CYP2C8: variants seen among roughly 807,000 people sequenced by gnomAD.
CYP2C8 encodes cytochrome P450 family 2 subfamily C member 8, also known as cytochrome P450 2C8.
A neutral mutation model predicts 41.3 loss-of-function variants in CYP2C8; 51 were observed. That is an observed-to-expected ratio of 1.24 (90% CI 0.99 to 1.56). The LOEUF (loss-of-function observed/expected upper bound fraction) is 1.56, where lower values mean the gene tolerates loss of function less well. CYP2C8 is among the 40% of genes most tolerant of loss of function. The pLI is 0.00. For synonymous variants in CYP2C8, 218 were observed against 205.8 expected (o/e 1.06, Z -0.51); for missense variants, 651 against 579.9 (o/e 1.12, Z -1.26).
At chr10:95,041,635 G>A (rs1461358351) in intron 7 of CYP2C8, among the ~76,000 whole-genome samples, 1 of 151,332 alleles carries the variant, frequency 6.6e-6, no homozygotes, top group African/African-American at 2.4e-5. Flanking sequence ...CAAAAAATTA[G>A]CCGGGCGCGG....
intron 5 of CYP2C8, among the ~76,000 whole-genome samples, chr10:95,057,817 A>G (rs2033341153): frequency 6.6e-6 from 1 of 152,116 alleles, no homozygotes; most frequent in Non-Finnish European, 1.5e-5. Context: ...AGGTTACACT[A>G]AATTAAACCT....
At chr10:95,049,215 C>T (rs1199694845) in intron 5 of CYP2C8, among the ~76,000 whole-genome samples, 3 of 152,054 alleles carry the variant, frequency 2.0e-5, no homozygotes, top group East Asian at 1.9e-4. Flanking sequence ...AGCAAGATGA[C>T]AGAATTGAAT....
At chr10:95,063,274 A>T (rs981626442) in intron 4 of CYP2C8, among the ~76,000 whole-genome samples, 4 of 152,216 alleles carry the variant, frequency 2.6e-5, no homozygotes, top group African/African-American at 9.6e-5. Context: ...TTTCAGATAC[A>T]CCAATCAGAC....
rs184428678 is a variant in CYP2C8 at position 95,057,918 on chromosome 10, A to T, written c.819+417T>A. On this transcript the variant is annotated intron_variant, in intron 5 of 8. Coordinates refer to ENST00000371270, the MANE Select transcript of CYP2C8 (RefSeq NM_000770.3). ...AACCTTTCTTCTGTTCCACACTGAA[A>T]ATATATTAAGGGCTATGTCAATGTG... Among the ~76,000 whole-genome samples the T allele has an allele frequency of 6.5e-4, 99 of 152,298 alleles. 1 individual carries two copies. Among genetic ancestry groups the T allele is most frequent in the African/African-American group, 2.3e-3 (96 of 41,574 alleles).
At chr10:95,049,939 C>T (rs1005081268) in intron 5 of CYP2C8, among the ~76,000 whole-genome samples, 3 of 136,802 alleles carry the variant, frequency 2.2e-5, no homozygotes, top group Admixed American at 7.3e-5. Flanking sequence ...TGAGGCTTAC[C>T]GGCTTCAGGT....
At chr10:95,068,764 T>C (rs1275078923) in intron 1 of CYP2C8, 1 of 555,950 alleles carries the variant, frequency 1.8e-6, no homozygotes, top group African/African-American at 2.0e-5. Context: ...ATGACAGACT[T>C]AGAAAGACAA....
At chr10:95,052,273 A>T (rs894424333) in intron 5 of CYP2C8, among the ~76,000 whole-genome samples, 1 of 152,110 alleles carries the variant, frequency 6.6e-6, no homozygotes, top group East Asian at 1.9e-4. Flanking sequence ...CCAAAACCTG[A>T]ACAAAATTAT....
In CYP2C8 at chr10:95,069,252, A is replaced by C. The variant is rs1228615717; in HGVS notation, c.151T>G (p.Cys51Gly). The change falls in exon 1 of 9, where the codon TGC (cysteine) becomes GGC (glycine). Residue 51 changes from cysteine (C) to glycine (G), a missense_variant. Transcript: ENST00000371270. ...NMLQIDVKDI[C>G]KSFTNFSKVY... ...AGACTTACATTGGTGAAAGATTTGC[A>C]GATGTCCTTAACATCTATCTGTAGC... is the stretch of plus-strand genomic sequence containing the variant. 2 of 1,614,152 alleles carry C rather than the reference A, an allele frequency of 1.2e-6. No individual in the cohort carries two copies. The highest frequency in any genetic ancestry group is 1.7e-6 in the Non-Finnish European group (2 of 1,180,008).
rs1384578963 is a variant in CYP2C8, at chr10:95,045,971, A to G, written c.820-20T>C. On this transcript the variant is annotated intron_variant, in intron 5 of 8. Coordinates refer to ENST00000371270, the MANE Select transcript of CYP2C8 (RefSeq NM_000770.3). ...CTTTTCCTAGAAGTGATTTCATGCA[A>G]TTATCTGACAAATTATGTGCCAGTA... is the stretch of plus-strand genomic sequence containing the variant. The G allele has an allele frequency of 1.9e-6, 3 of 1,613,372 alleles. No individual in the cohort carries two copies. The highest frequency in any genetic ancestry group is 2.2e-5 in the East Asian group (1 of 44,886).
chr10:95,037,470 A>G (rs1037602486), intron 8 of CYP2C8, among the ~76,000 whole-genome samples, 161 bp from the exon 9 acceptor site: 1 of 152,314 alleles, frequency 6.6e-6, no homozygotes, highest in African/African-American at 2.4e-5. Context: ...GACATGATGG[A>G]TTGATTAATG....
At chr10:95,051,096 T>C (rs1357130313) in intron 5 of CYP2C8, among the ~76,000 whole-genome samples, 2 of 152,002 alleles carry the variant, frequency 1.3e-5, no homozygotes, top group African/African-American at 4.8e-5. Flanking sequence ...ATATTCAAAA[T>C]AACACAGAGA....
chr10:95,068,676 T>G, intron 1 of CYP2C8: 1 of 1,130,518 alleles, frequency 8.8e-7, no homozygotes, highest in Non-Finnish European at 1.2e-6. Context: ...TGCCACTGTA[T>G]TAAATGATTA....
chr10:95,055,252 T>C (rs1000835611), intron 5 of CYP2C8, among the ~76,000 whole-genome samples: 1 of 151,806 alleles, frequency 6.6e-6, no homozygotes, highest in African/African-American at 2.4e-5. Context: ...AGGAAAGAAA[T>C]AAAGACCAGT....
intron 4 of CYP2C8, among the ~76,000 whole-genome samples, chr10:95,063,564 CT>C (rs1443059783): frequency 6.6e-6 from 1 of 152,114 alleles, no homozygotes; most frequent in African/African-American, 2.4e-5. Flanking sequence ...AGGTTTTTAA[CT>C]TCTTTGCGAT....
chr10:95,040,827 A>T, intron 7 of CYP2C8: 1 of 440,896 alleles, frequency 2.3e-6, no homozygotes, highest in Non-Finnish European at 4.5e-6. Context: ...ATAGGTTTTT[A>T]GGCATTTCAA....
intron 6 of CYP2C8, among the ~76,000 whole-genome samples, chr10:95,043,631 C>T (rs2033051776): frequency 6.6e-6 from 1 of 151,932 alleles, no homozygotes; most frequent in African/African-American, 2.4e-5. Context: ...TTTTACTTAA[C>T]AATTTTTAGA....
chr10:95,059,055 T>A (rs2033369462), intron 4 of CYP2C8, among the ~76,000 whole-genome samples: 1 of 152,228 alleles, frequency 6.6e-6, no homozygotes, highest in South Asian at 2.1e-4. Flanking sequence ...GTTGCACATT[T>A]GGCTTGGTTC....
At chr10:95,057,150 T>C (rs1404744222) in intron 5 of CYP2C8, among the ~76,000 whole-genome samples, 1 of 152,090 alleles carries the variant, frequency 6.6e-6, no homozygotes, top group Non-Finnish European at 1.5e-5. Context: ...ATGGGAATAG[T>C]AAATTGACAC....
chr10:95,038,883 C>T lies in CYP2C8; in HGVS notation c.1291+14G>A, dbSNP rs570015125. Reference sequence around the variant, plus strand: ...TCTTTCCTTTAAATACAAATGGAAACGAGTTTCTATTACCTGCTGAGAAAG... The same window carrying T: ...TCTTTCCTTTAAATACAAATGGAAATGAGTTTCTATTACCTGCTGAGAAAG... On this transcript the variant is annotated intron_variant, in intron 8 of 8. Coordinates refer to ENST00000371270, the MANE Select transcript of CYP2C8 (RefSeq NM_000770.3). 105 of 1,613,330 alleles carry T rather than the reference C, an allele frequency of 6.5e-5. No homozygotes were observed. The highest frequency in any genetic ancestry group is 3.8e-4 in the East Asian group (17 of 44,858).
Sources: gnomAD v4.1 joint callset for allele counts (sites outside exome capture counted in the v4.1 genomes callset) on GRCh38, gnomAD v4.1.1 for gene constraint, MANE v1.5 for transcripts, NCBI Gene and HGNC (gene_info 2026-07-23, HGNC 2026-07-21) for gene names.